PLPPR1: variants seen among roughly 807,000 people sequenced by gnomAD.
PLPPR1 encodes the protein phospholipid phosphatase related 1.
Under a neutral mutation model 33.1 loss-of-function variants are expected in PLPPR1, and 10 were observed. The ratio of observed to expected loss-of-function variants is 0.30; its 90% confidence interval spans 0.19 to 0.51. The LOEUF is 0.51. PLPPR1 is among the 20% of genes least tolerant of loss of function. PLPPR1 has a pLI of 0.97. For missense variants in PLPPR1, 304 were observed against 408.1 expected (o/e 0.74, Z 2.20); for synonymous variants, 151 against 151.0 (o/e 1.00, Z 0.00).
At chr9:101,130,663 C>A (rs1831303316) in intron 1 of PLPPR1, among the ~76,000 whole-genome samples, 3 of 152,180 alleles carry the variant, frequency 2.0e-5, no homozygotes, top group South Asian at 2.1e-4. Context: ...AATGAGCAGA[C>A]TATGGCTCAA....
In PLPPR1 at chr9:101,214,436, A is replaced by G. The variant is rs372392110; in HGVS notation, c.63+28879A>G. On this transcript the variant is annotated intron_variant, in intron 2 of 7. Transcript: ENST00000374874. ...TATATACACATGCACACACACACAT[A>G]TACACACACGTGAATGTACTGTGTA... is the stretch of plus-strand genomic sequence containing the variant. Among the ~76,000 whole-genome samples the G allele has an allele frequency of 1.4e-4, 22 of 152,322 alleles. No homozygotes were observed. The East Asian group carries it at 3.9e-3, about 27-fold the overall frequency.
chr9:101,236,651 G>T (rs1827306291), intron 2 of PLPPR1, among the ~76,000 whole-genome samples: 3 of 150,770 alleles, frequency 2.0e-5, no homozygotes, highest in Non-Finnish European at 4.4e-5. Flanking sequence ...CATATCTATG[G>T]GTTATAGTGA....
chr9:101,091,546 C>G (rs557248238), intron 1 of PLPPR1, among the ~76,000 whole-genome samples: 1 of 152,274 alleles, frequency 6.6e-6, no homozygotes, highest in Admixed American at 6.5e-5. Flanking sequence ...CTCTGGCTCT[C>G]TCTTTTGTCT....
At chr9:101,318,280 G>A (rs1829091260) in intron 7 of PLPPR1, among the ~76,000 whole-genome samples, 1 of 151,084 alleles carries the variant, frequency 6.6e-6, no homozygotes, top group African/African-American at 2.5e-5. Flanking sequence ...CAAATGAAGG[G>A]GAAAAAAATC....
intron 4 of PLPPR1, among the ~76,000 whole-genome samples, chr9:101,295,891 G>A (rs748906457): frequency 0.03 from 4,373 of 147,442 alleles, 97 homozygotes; most frequent in Admixed American, 0.049. Context: ...CATAGGCATG[G>A]GCAAGGACTT....
chr9:101,184,728 AG>A (rs3834390), intron 1 of PLPPR1, among the ~76,000 whole-genome samples: 23,137 of 151,876 alleles, frequency 0.15, 2,024 homozygotes, highest in East Asian at 0.28. Context: ...AGTTCAAGGC[AG>A]GGAAGATGTG....
At chr9:101,152,929 T>C (rs1413791110) in intron 1 of PLPPR1, among the ~76,000 whole-genome samples, 1 of 152,264 alleles carries the variant, frequency 6.6e-6, no homozygotes, top group Non-Finnish European at 1.5e-5. Flanking sequence ...TTTCCAATTC[T>C]GTGAAGAAAG....
intron 1 of PLPPR1, among the ~76,000 whole-genome samples, chr9:101,083,677 C>T (rs934960932): frequency 6.6e-6 from 1 of 152,142 alleles, no homozygotes; most frequent in Non-Finnish European, 1.5e-5. Context: ...GCTTACCATG[C>T]AGCATCCTCA....
At chr9:101,261,485 C>T (rs149921838) in intron 2 of PLPPR1, among the ~76,000 whole-genome samples, 138 of 152,262 alleles carry the variant, frequency 9.1e-4, no homozygotes, top group Middle Eastern at 3.4e-3. Context: ...GATGAATTCT[C>T]ATATACACAC....
Position 101,202,274 on chromosome 9 carries a change from G to T in PLPPR1, c.63+16717G>T, listed in dbSNP as rs149782732. Among the ~76,000 whole-genome samples the T allele has an allele frequency of 4.0e-3, 612 of 152,298 alleles. 5 individuals carry two copies. Among genetic ancestry groups the T allele is most frequent in the African/African-American group, 0.014 (589 of 41,570 alleles). ...GTATTTGAGAATGTCATGCTATAGA[G>T]AATTTCATGGTAAGTTCTTATTGGC... On this transcript the variant is annotated intron_variant, in intron 2 of 7. Coordinates refer to ENST00000374874, the MANE Select transcript of PLPPR1 (RefSeq NM_207299.2).
At chr9:101,282,712 T>C (rs1828325794) in intron 3 of PLPPR1, among the ~76,000 whole-genome samples, 1 of 152,146 alleles carries the variant, frequency 6.6e-6, no homozygotes, top group African/African-American at 2.4e-5. Flanking sequence ...AGTTGCAGGA[T>C]ATAAAACAAA....
intron 1 of PLPPR1, among the ~76,000 whole-genome samples, chr9:101,069,422 A>G (rs896274533): frequency 9.9e-5 from 15 of 152,088 alleles, no homozygotes; most frequent in African/African-American, 3.6e-4. Context: ...TGTGTCTACA[A>G]TGGTAACGTT....
At chr9:101,195,563 G>C (rs1826379243) in intron 2 of PLPPR1, among the ~76,000 whole-genome samples, 1 of 152,064 alleles carries the variant, frequency 6.6e-6, no homozygotes, top group African/African-American at 2.4e-5. Flanking sequence ...CTGAAGAGAA[G>C]ATTCTAGTAC....
intron 1 of PLPPR1, among the ~76,000 whole-genome samples, chr9:101,143,152 T>C (rs1028928167): frequency 1.3e-5 from 2 of 152,224 alleles, no homozygotes; most frequent in African/African-American, 2.4e-5. Flanking sequence ...AATGCCAGCA[T>C]GTTCTTTGTA....
In PLPPR1 at chr9:101,286,006, T is replaced by C. The variant is rs143093638; in HGVS notation, c.253-98T>C. The C allele has an allele frequency of 5.4e-4, 473 of 872,596 alleles. 2 individuals carry two copies. In the Middle Eastern group the frequency reaches 0.012, roughly 22 times the overall value. The allele number at this position is 872,596 out of a possible 1,614,324, so 54.1% of individuals were successfully genotyped here. On this transcript the variant is annotated intron_variant, in intron 3 of 7. Transcript: ENST00000374874. ...CTCTCTCCAACATCTTTTAAAATGA[T>C]TGTGGGTCCTCAACAGTTTTGTTTT...
intron 1 of PLPPR1, among the ~76,000 whole-genome samples, chr9:101,029,940 C>G (rs1385917429): frequency 6.6e-6 from 1 of 152,110 alleles, no homozygotes; most frequent in Non-Finnish European, 1.5e-5. Context: ...ATGACACGCA[C>G]GTGTGGAATA....
chr9:101,184,414 T>C (rs564761303), intron 1 of PLPPR1, among the ~76,000 whole-genome samples: 18 of 152,060 alleles, frequency 1.2e-4, no homozygotes, highest in African/African-American at 4.1e-4. Context: ...TTAAAATTAA[T>C]GTCTGACCTT....
chr9:101,283,851 C>T (rs151084727), intron 3 of PLPPR1, among the ~76,000 whole-genome samples: 1 of 151,960 alleles, frequency 6.6e-6, no homozygotes, highest in Non-Finnish European at 1.5e-5. Flanking sequence ...AGACAAAAGA[C>T]AAATGGCCAA....
chr9:101,045,353 TA>T (rs770595472), intron 1 of PLPPR1, among the ~76,000 whole-genome samples: 2 of 152,244 alleles, frequency 1.3e-5, no homozygotes, highest in Non-Finnish European at 2.9e-5. Flanking sequence ...ATTTATTCAA[TA>T]TATTTAAGTA....
Sources: gnomAD v4.1 joint callset for allele counts (sites outside exome capture counted in the v4.1 genomes callset) on GRCh38, gnomAD v4.1.1 for gene constraint, MANE v1.5 for transcripts, NCBI Gene and HGNC (gene_info 2026-07-23, HGNC 2026-07-21) for gene names.